The following NUP54 variants were observed in gnomAD, a reference collection of about 807,000 sequenced individuals.
NUP54 encodes the protein nucleoporin 54.
In NUP54, 27 loss-of-function variants were observed where a neutral mutation model predicts 66.4. The ratio of observed to expected loss-of-function variants is 0.41; its 90% confidence interval spans 0.30 to 0.56. The LOEUF is 0.56. NUP54 is among the 20% of genes least tolerant of loss of function. NUP54 has a pLI of 0.34. For synonymous variants in NUP54, 206 were observed against 210.7 expected (o/e 0.98, Z 0.19); for missense variants, 486 against 596.3 (o/e 0.82, Z 1.93).
intron 9 of NUP54, among the ~76,000 whole-genome samples, chr4:76,121,338 G>A (rs1311120442): frequency 6.6e-6 from 1 of 152,152 alleles, no homozygotes; most frequent in Non-Finnish European, 1.5e-5. Context: ...TCAATTATAA[G>A]AGGTTTAAAA....
Position 76,124,752 on chromosome 4 carries a change from A to C in NUP54, c.1061T>G (p.Ile354Arg). ...TTGTAGCTCACTAATATCTTCAGAT[A>C]TGATCTGTTTAAAAAAAAATTGGGG... ...TKQHQTRLDI[I>R]SEDISELQKN... Residue 354 changes from isoleucine to arginine, a missense_variant, in exon 9 of 12, where the codon ATA (isoleucine) becomes AGA (arginine). Ile to Arg is a moderately conservative substitution (Grantham distance 97). This residue lies in a region of NUP54 where 217 missense variants were observed against 247.9 expected (regional missense o/e 0.88). Coordinates refer to ENST00000264883, the MANE Select transcript of NUP54 (RefSeq NM_017426.4). The C allele has an allele frequency of 1.0e-6, 1 of 979,118 alleles. No homozygotes were observed. The highest frequency in any genetic ancestry group is 2.1e-5 in the Admixed American group (1 of 48,510). The allele number at this position is 979,118 out of a possible 1,614,324, so 60.7% of individuals were successfully genotyped here. A position where few individuals can be genotyped will look rare whatever the true frequency, so the allele number is the denominator to read the frequency against.
intron 6 of NUP54, 100 bp downstream of exon 6, chr4:76,132,423 T>C: frequency 1.3e-6 from 1 of 799,962 alleles, no homozygotes; most frequent in Non-Finnish European, 1.9e-6. Context: ...ATGATACTAA[T>C]TTTATTAGCA....
chr4:76,145,885 A>C, intron 1 of NUP54: 1 of 276,228 alleles, frequency 3.6e-6, no homozygotes, highest in Non-Finnish European at 7.1e-6. Flanking sequence ...CTCAAGAGTA[A>C]GCTGCATGTT....
chr4:76,127,764 C>T (rs1560681050), intron 8 of NUP54, among the ~76,000 whole-genome samples: 1 of 151,934 alleles, frequency 6.6e-6, no homozygotes, highest in South Asian at 2.1e-4. Flanking sequence ...TAAACAGAGA[C>T]TACAATCTAG....
chr4:76,148,392 C>G lies in NUP54; in HGVS notation c.-18G>C. On this transcript the variant is annotated 5_prime_UTR_variant, in exon 1 of 12. Transcript: ENST00000264883. ...AAGGCCATGTCGCGAAAGCAGGAGA[C>G]CAAGTAGGTTACTCCTGCGACGCGC... 6.7e-7 allele frequency: 1 copy of G among 1,503,252 alleles called. No individual in the cohort carries two copies. Among genetic ancestry groups the G allele is most frequent in the Non-Finnish European group, 8.9e-7 (1 of 1,123,198 alleles). The allele number at this position is 1,503,252 out of a possible 1,614,324, so 93.1% of individuals were successfully genotyped here. A position where few individuals can be genotyped will look rare whatever the true frequency, so the allele number is the denominator to read the frequency against.
At chr4:76,125,336 A>ACGCGCGCGCGCGCG (rs1238783900) in intron 8 of NUP54, among the ~76,000 whole-genome samples, 1 of 126,996 alleles carries the variant, frequency 7.9e-6, no homozygotes, top group Non-Finnish European at 1.8e-5. Context: ...ACACACACAC[A>ACGCGCGCGCGCGCG]CACACACACA....
At position 76,121,047 on chromosome 4, in the gene NUP54, T is replaced by C. The variant is rs201962447; in HGVS notation, c.1165-2853A>G. Among the ~76,000 whole-genome samples the C allele has an allele frequency of 7.2e-5, 11 of 152,370 alleles. No individual in the cohort carries two copies. In the East Asian group the frequency reaches 1.3e-3, roughly 19 times the overall value. ...GTGGCCAATGTTGGTTTATAGTTTC[T>C]AGCTTTTTGATCAATGTCTCTCAAA... is the stretch of plus-strand genomic sequence containing the variant. On this transcript the variant is annotated intron_variant, in intron 9 of 11. Coordinates refer to ENST00000264883, the MANE Select transcript of NUP54 (RefSeq NM_017426.4).
At chr4:76,132,958 C>T (rs1460918788) in intron 5 of NUP54, among the ~76,000 whole-genome samples, 1 of 151,300 alleles carries the variant, frequency 6.6e-6, no homozygotes, top group Admixed American at 6.6e-5. Flanking sequence ...AAGCAATTCT[C>T]CCACCTCAGC....
At chr4:76,140,443 G>A (rs999579080) in intron 3 of NUP54, among the ~76,000 whole-genome samples, 1 of 151,778 alleles carries the variant, frequency 6.6e-6, no homozygotes, top group Non-Finnish European at 1.5e-5. Flanking sequence ...GCACTACCAC[G>A]CCCATCTAAT....
At chr4:76,134,800 T>C (rs1193937542) in intron 4 of NUP54, among the ~76,000 whole-genome samples, 4 of 152,132 alleles carry the variant, frequency 2.6e-5, no homozygotes, top group Non-Finnish European at 4.4e-5. Context: ...TATACATACA[T>C]GTAAACCATA....
chr4:76,129,404 T>C (rs1443549752), intron 8 of NUP54, among the ~76,000 whole-genome samples: 1 of 152,192 alleles, frequency 6.6e-6, no homozygotes, highest in East Asian at 1.9e-4. Flanking sequence ...TCCGTAAGTG[T>C]TGCTGTAGAT....
chr4:76,125,340 A>ACGCGCG (rs1236278261), intron 8 of NUP54, among the ~76,000 whole-genome samples: 3,914 of 148,624 alleles, frequency 0.026, 177 homozygotes, highest in East Asian at 0.2. Flanking sequence ...ACACACACAC[A>ACGCGCG]CACACACACA....
At chr4:76,124,873 T>C (rs556483761) in intron 8 of NUP54, 117 bp from the exon 9 acceptor site, 3 of 526,064 alleles carry the variant, frequency 5.7e-6, no homozygotes, top group African/African-American at 3.9e-5. Context: ...TCTCAAAATA[T>C]AAACTCTTTC....
rs1315651385 is a variant in NUP54 at position 76,114,684 on chromosome 4, GAATT to G, written c.*678_*681del. The G allele has an allele frequency of 1.3e-5, 2 of 152,064 alleles. No homozygotes were observed. Among genetic ancestry groups the G allele is most frequent in the Admixed American group, 6.6e-5 (1 of 15,258 alleles). The allele number at this position is 152,064 out of a possible 1,614,324, so 9.4% of individuals were successfully genotyped here. A position where few individuals can be genotyped will look rare whatever the true frequency, so the allele number is the denominator to read the frequency against. On this transcript the variant is annotated 3_prime_UTR_variant, in exon 12 of 12. Transcript: ENST00000264883. ...TTATATAAAAGTAATTACAAATTAA[GAATT>G]TATTTATAAGTTTTCATCTTTTTAG... is the stretch of plus-strand genomic sequence containing the variant.
intron 4 of NUP54, 82 bp from the exon 5 acceptor site, chr4:76,134,444 C>T: frequency 8.9e-7 from 1 of 1,128,566 alleles, no homozygotes; most frequent in Non-Finnish European, 1.2e-6. Flanking sequence ...TTAATATCTG[C>T]TAAAATGGGA....
At chr4:76,136,063 AAAGTATAATCATACC>A in intron 4 of NUP54, 108 bp downstream of exon 4, 2 of 689,300 alleles carry the variant, frequency 2.9e-6, no homozygotes, top group Non-Finnish European at 4.8e-6. Flanking sequence ...TTTCAAAATA[AAAGTATAATCATACC>A]ATGTTCAAGG....
At chr4:76,120,710 AGCCACTGC>A (rs1248449919) in intron 9 of NUP54, among the ~76,000 whole-genome samples, 2 of 152,308 alleles carry the variant, frequency 1.3e-5, no homozygotes, top group East Asian at 3.9e-4. Context: ...TACAGGCGTG[AGCCACTGC>A]GCCCGGCCAG....
At position 76,118,579 on chromosome 4, in the gene NUP54, G is replaced by C. The variant is rs1026470251; in HGVS notation, c.1165-385C>G. Reference sequence around the variant, plus strand: ...TAATTTTTTTGTGGCGGGGTGGGGGGGGGGGTCTCACTATGTGGCCCAGGC... The same window carrying C: ...TAATTTTTTTGTGGCGGGGTGGGGGCGGGGGTCTCACTATGTGGCCCAGGC... On this transcript the variant is annotated intron_variant, in intron 9 of 11. Transcript: ENST00000264883. The C allele has an allele frequency of 9.5e-4, 110 of 116,230 alleles. 18 individuals carry two copies. The highest frequency in any genetic ancestry group is 3.0e-3 in the East Asian group (12 of 4,006). 7.2% of individuals were successfully genotyped at this position (116,230 alleles called of 1,614,324 possible).
At chr4:76,125,093 C>G (rs929006657) in intron 8 of NUP54, among the ~76,000 whole-genome samples, 1 of 151,560 alleles carries the variant, frequency 6.6e-6, no homozygotes, top group African/African-American at 2.4e-5. Flanking sequence ...AGTTCAAGAC[C>G]AGCCTGGCCA....
Sources: allele counts gnomAD v4.1 joint callset (sites outside exome capture counted in the v4.1 genomes callset), GRCh38; gene constraint gnomAD v4.1.1; regional missense constraint gnomAD v4.1.1; transcripts MANE v1.5; gene names NCBI Gene and HGNC (gene_info 2026-07-23, HGNC 2026-07-21).